CNTNAP2: variants seen among roughly 807,000 people sequenced by gnomAD.
CNTNAP2 encodes contactin-associated protein-like 2.
CNTNAP2 carries 98 observed loss-of-function variants against 155.2 expected under a neutral mutation model. The observed-to-expected ratio is 0.63, with a 90% confidence interval of 0.54 to 0.75. The LOEUF (loss-of-function observed/expected upper bound fraction) is 0.75. Ranked by LOEUF, CNTNAP2 falls within the 30% of genes least tolerant of loss-of-function variation. The pLI is 0.00. For synonymous variants in CNTNAP2, 651 were observed against 631.2 expected, an observed-to-expected ratio of 1.03 and a Z score of -0.47; for missense variants, 1,727 against 1,688.1, an observed-to-expected ratio of 1.02 and a Z score of -0.40.
chr7:147,326,100 AT>A (rs781411038), intron 9 of CNTNAP2, among the ~76,000 whole-genome samples: 9 of 152,160 alleles, frequency 5.9e-5, no homozygotes, highest in East Asian at 5.8e-4. Context: ...TTGCTTTTGT[AT>A]TTTTAGTAGA....
intron 8 of CNTNAP2, among the ~76,000 whole-genome samples, chr7:147,177,194 A>T (rs1563104209): frequency 6.6e-6 from 1 of 151,924 alleles, no homozygotes; most frequent in Non-Finnish European, 1.5e-5. Flanking sequence ...CAACTTAAAA[A>T]TAACTTTGAT....
chr7:147,956,626 C>T (rs978729466), intron 14 of CNTNAP2, among the ~76,000 whole-genome samples: 7 of 152,070 alleles, frequency 4.6e-5, no homozygotes, highest in South Asian at 2.1e-4. Flanking sequence ...GACCATGGAC[C>T]GCAGGATTCT....
chr7:146,774,692 A>G (rs1802357121), intron 2 of CNTNAP2, among the ~76,000 whole-genome samples: 1 of 152,138 alleles, frequency 6.6e-6, no homozygotes. Flanking sequence ...TCAGAAAATC[A>G]TTTAGAAAGA....
intron 21 of CNTNAP2, among the ~76,000 whole-genome samples, chr7:148,333,182 C>G (rs550689922): frequency 3.2e-4 from 49 of 152,272 alleles, no homozygotes; most frequent in African/African-American, 9.6e-4. Flanking sequence ...AATCCCAACA[C>G]TTTGGGAGGA....
chr7:147,358,339 T>C (rs1201344426), intron 9 of CNTNAP2, among the ~76,000 whole-genome samples: 2 of 152,162 alleles, frequency 1.3e-5, no homozygotes, highest in East Asian at 3.9e-4. Context: ...GATATGTACT[T>C]TTTAATGAAA....
chr7:147,061,473 A>T (rs1037981953), intron 4 of CNTNAP2, among the ~76,000 whole-genome samples: 1 of 152,186 alleles, frequency 6.6e-6, no homozygotes, highest in Non-Finnish European at 1.5e-5. Context: ...TTCTTTCGAA[A>T]GGCTTACTCT....
chr7:146,244,325 A>G (rs1479562781), intron 1 of CNTNAP2, among the ~76,000 whole-genome samples: 1 of 152,176 alleles, frequency 6.6e-6, no homozygotes, highest in African/African-American at 2.4e-5. Flanking sequence ...AGAGCAGGGC[A>G]TGCATGAGTA....
chr7:148,313,515 C>G (rs572122672), intron 21 of CNTNAP2, among the ~76,000 whole-genome samples: 45 of 152,138 alleles, frequency 3.0e-4, no homozygotes, highest in Non-Finnish European at 5.0e-4. Context: ...GCACTTGTAG[C>G]AAGCTCCCGG....
chr7:148,006,587 G>A (rs1801984406), intron 15 of CNTNAP2, among the ~76,000 whole-genome samples: 1 of 150,596 alleles, frequency 6.6e-6, no homozygotes, highest in African/African-American at 2.4e-5. Flanking sequence ...CCAAAGTGCT[G>A]GGATTACAGG....
At chr7:147,526,147 A>T (rs2116715548) in intron 11 of CNTNAP2, among the ~76,000 whole-genome samples, 1 of 145,930 alleles carries the variant, frequency 6.9e-6, no homozygotes, top group South Asian at 2.2e-4. Flanking sequence ...AGCCGAGATC[A>T]CCCCACTGCA....
intron 1 of CNTNAP2, among the ~76,000 whole-genome samples, chr7:146,426,427 A>C (rs944743162): frequency 7.0e-6 from 1 of 141,886 alleles, no homozygotes; most frequent in Non-Finnish European, 1.5e-5. Context: ...ACACATATAC[A>C]CACACATTTA....
chr7:146,613,571 AAATT>A (rs772727608), intron 1 of CNTNAP2, among the ~76,000 whole-genome samples: 22 of 151,778 alleles, frequency 1.4e-4, no homozygotes, highest in Non-Finnish European at 2.8e-4. Flanking sequence ...AAAAAAGATA[AAATT>A]AATTTATTTT....
At chr7:147,915,519 T>G (rs907828011) in intron 14 of CNTNAP2, among the ~76,000 whole-genome samples, 1 of 152,148 alleles carries the variant, frequency 6.6e-6, no homozygotes, top group Non-Finnish European at 1.5e-5. Context: ...AGAAAGATTG[T>G]TGATATTCAA....
At chr7:147,928,515 C>G (rs576418309) in intron 14 of CNTNAP2, among the ~76,000 whole-genome samples, 3 of 151,922 alleles carry the variant, frequency 2.0e-5, no homozygotes, top group Non-Finnish European at 4.4e-5. Context: ...AACTTTAAAG[C>G]GATGAATTGT....
intron 15 of CNTNAP2, among the ~76,000 whole-genome samples, chr7:148,070,104 T>C (rs898638552): frequency 6.6e-6 from 1 of 152,188 alleles, no homozygotes; most frequent in Non-Finnish European, 1.5e-5. Context: ...AACTAATATA[T>C]TATCTGCTAA....
At chr7:146,848,692 ATAGG>A (rs112706182) in intron 3 of CNTNAP2, among the ~76,000 whole-genome samples, 6,610 of 152,232 alleles carry the variant, frequency 0.043, 448 homozygotes, top group African/African-American at 0.15. Context: ...TTCTGCTGAA[ATAGG>A]TAGGAATGGA....
intron 21 of CNTNAP2, among the ~76,000 whole-genome samples, chr7:148,302,034 C>T (rs923727507): frequency 6.6e-6 from 1 of 152,216 alleles, no homozygotes; most frequent in Non-Finnish European, 1.5e-5. Flanking sequence ...TGCTGGAAAA[C>T]TCCATGATTC....
intron 9 of CNTNAP2, among the ~76,000 whole-genome samples, chr7:147,341,712 C>G (rs1237253184): frequency 6.6e-6 from 1 of 150,610 alleles, no homozygotes; most frequent in Non-Finnish European, 1.5e-5. Flanking sequence ...TAATATACAA[C>G]TCCTACCCCA....
chr7:147,314,989 C>T (rs1917600), intron 9 of CNTNAP2, among the ~76,000 whole-genome samples: 22,740 of 150,438 alleles, frequency 0.15, 3,240 homozygotes, highest in East Asian at 0.7. Flanking sequence ...TATTTGCTAG[C>T]CTAGTGCAAA....
Sources: allele counts gnomAD v4.1 joint callset (sites outside exome capture counted in the v4.1 genomes callset), GRCh38; gene constraint gnomAD v4.1.1; transcripts MANE v1.5; gene names NCBI Gene and HGNC (gene_info 2026-07-23, HGNC 2026-07-21).